Variants in ANXA4 observed in about 807,000 individuals in gnomAD.
ANXA4 encodes the protein 35-beta calcimedin.
Under a neutral mutation model 49.8 loss-of-function variants are expected in ANXA4, and 39 were observed. The ratio of observed to expected loss-of-function variants is 0.78; its 90% CI spans 0.61 to 1.02. The LOEUF (loss-of-function observed/expected upper bound fraction) is 1.02, where lower values mean the gene tolerates loss of function less well. Ranked by LOEUF, ANXA4 falls within the 50% of genes least tolerant of loss-of-function variation. ANXA4 has a pLI of 0.00. For missense variants in ANXA4, 360 were observed against 410.1 expected (o/e 0.88, Z 1.05); for synonymous variants, 134 against 152.5 (o/e 0.88, Z 0.89).
At chr2:69,655,680 A>G (rs926070091) in intron 2 of ANXA4, among the ~76,000 whole-genome samples, 1 of 152,220 alleles carries the variant, frequency 6.6e-6, no homozygotes, top group Admixed American at 6.5e-5. Context: ...ATTACTGAGT[A>G]TATACCCAAA....
chr2:69,732,488 G>T (rs1406483345), intron 3 of ANXA4, among the ~76,000 whole-genome samples: 1 of 151,220 alleles, frequency 6.6e-6, no homozygotes, highest in African/African-American at 2.4e-5. Context: ...GCTGGGCGTG[G>T]TGGCTCACGC....
intron 2 of ANXA4, among the ~76,000 whole-genome samples, chr2:69,681,322 G>T (rs1426172879): frequency 2.0e-5 from 3 of 148,796 alleles, no homozygotes; most frequent in Admixed American, 1.3e-4. Context: ...ATGATTTTTT[G>T]TATTTCTGTG....
At chr2:69,660,044 A>G (rs1010625764) in intron 2 of ANXA4, among the ~76,000 whole-genome samples, 7 of 152,214 alleles carry the variant, frequency 4.6e-5, no homozygotes, top group Non-Finnish European at 1.0e-4. Flanking sequence ...TCACCAGCCC[A>G]GAGAGGTGAC....
chr2:69,721,530 C>G (rs1051944546), intron 3 of ANXA4, among the ~76,000 whole-genome samples: 16 of 151,900 alleles, frequency 1.1e-4, no homozygotes, highest in African/African-American at 3.9e-4. Flanking sequence ...AAGACCCTGT[C>G]TCTACAAAAA....
chr2:69,792,088 G>T (rs1050277577), intron 3 of ANXA4, among the ~76,000 whole-genome samples: 2 of 152,076 alleles, frequency 1.3e-5, no homozygotes, highest in African/African-American at 2.4e-5. Flanking sequence ...GATGCTTCAG[G>T]GGTCCTCTGC....
chr2:69,718,716 C>T (rs984161789), intron 2 of ANXA4, among the ~76,000 whole-genome samples: 5 of 148,960 alleles, frequency 3.4e-5, no homozygotes, highest in Non-Finnish European at 7.4e-5. Context: ...CGCACACATG[C>T]ACACACATGC....
chr2:69,729,630 T>C (rs1670045810), intron 3 of ANXA4, among the ~76,000 whole-genome samples: 1 of 152,222 alleles, frequency 6.6e-6, no homozygotes, highest in Admixed American at 6.5e-5. Context: ...ATGTCCACAA[T>C]GCTATTCTCG....
chr2:69,762,794 C>A (rs1233962996), intron 1 of ANXA4, among the ~76,000 whole-genome samples: 3 of 151,980 alleles, frequency 2.0e-5, no homozygotes, highest in African/African-American at 7.3e-5. Context: ...GAATAGATCC[C>A]CACATCAGAC....
intron 1 of ANXA4, chr2:69,781,084 ACACT>A (rs1161084064): frequency 3.2e-5 from 5 of 157,652 alleles, no homozygotes; most frequent in African/African-American, 9.6e-5. Context: ...ACACACAAAC[ACACT>A]CACACAGATG....
chr2:69,787,212 T>C (rs1281388243), intron 2 of ANXA4, among the ~76,000 whole-genome samples: 1 of 152,236 alleles, frequency 6.6e-6, no homozygotes, highest in Non-Finnish European at 1.5e-5. Flanking sequence ...TCATCAAATG[T>C]CAAGTCAATG....
intron 1 of ANXA4, among the ~76,000 whole-genome samples, chr2:69,759,077 A>G (rs1671170965): frequency 6.7e-6 from 1 of 149,838 alleles, no homozygotes; most frequent in Admixed American, 6.7e-5. Context: ...CGGAGGTTTC[A>G]GTGAGCCAAG....
At chr2:69,803,063 T>C (rs1053655179) in intron 3 of ANXA4, among the ~76,000 whole-genome samples, 1 of 151,698 alleles carries the variant, frequency 6.6e-6, no homozygotes, top group African/African-American at 2.4e-5. Flanking sequence ...TAGCCAGGCA[T>C]GGTGGCAGGC....
intron 12 of ANXA4, among the ~76,000 whole-genome samples, chr2:69,824,515 A>AG: frequency 6.6e-6 from 1 of 152,064 alleles, no homozygotes. Flanking sequence ...AAAAAAAAAA[A>AG]AAAAAAGGTT....
intron 2 of ANXA4, among the ~76,000 whole-genome samples, chr2:69,695,678 C>T (rs1242114316): frequency 6.6e-6 from 1 of 152,154 alleles, no homozygotes; most frequent in East Asian, 1.9e-4. Context: ...TAAGATTAAT[C>T]TCCAACCAAA....
At chr2:69,782,077 A>G (rs1336409288) in intron 2 of ANXA4, among the ~76,000 whole-genome samples, 1 of 152,170 alleles carries the variant, frequency 6.6e-6, no homozygotes, top group Admixed American at 6.5e-5. Context: ...ATCGAATTGA[A>G]TCCCTTTGAG....
At chr2:69,786,237 T>C (rs913596561) in intron 2 of ANXA4, among the ~76,000 whole-genome samples, 6 of 152,218 alleles carry the variant, frequency 3.9e-5, no homozygotes, top group African/African-American at 1.4e-4. Context: ...TTATACTTGA[T>C]TCTTTTCTTT....
intron 2 of ANXA4, among the ~76,000 whole-genome samples, chr2:69,682,508 G>A (rs1452483454): frequency 6.6e-6 from 1 of 151,972 alleles, no homozygotes; most frequent in Non-Finnish European, 1.5e-5. Context: ...CAAGCTTTTG[G>A]AATAGGGACA....
At chr2:69,741,215 GT>G (rs1670385628), upstream of ANXA4, among the ~76,000 whole-genome samples, 1 of 152,118 alleles carries the variant, frequency 6.6e-6, no homozygotes, top group Non-Finnish European at 1.5e-5. Flanking sequence ...GCTATTCTCT[GT>G]TTTTTAAAAA....
At chr2:69,714,678 G>C (rs1449096491) in intron 2 of ANXA4, among the ~76,000 whole-genome samples, 1 of 152,204 alleles carries the variant, frequency 6.6e-6, no homozygotes, top group East Asian at 1.9e-4. Context: ...AATTTGTGAT[G>C]GGATGCCCTG....
Sources: allele counts gnomAD v4.1 joint callset (sites outside exome capture counted in the v4.1 genomes callset), GRCh38; gene constraint gnomAD v4.1.1; transcripts MANE v1.5; gene names NCBI Gene and HGNC (gene_info 2026-07-23, HGNC 2026-07-21).